The following PARM1 variants were observed in gnomAD, a reference collection of about 807,000 sequenced individuals.
PARM1 encodes prostate androgen-regulated mucin-like protein 1, also known as WSC4, cell wall integrity and stress response component 4 homolog.
In PARM1, 14 loss-of-function variants were observed where a neutral mutation model predicts 24.6. The ratio of observed to expected loss-of-function variants is 0.57; its 90% CI spans 0.38 to 0.89. The LOEUF (loss-of-function observed/expected upper bound fraction) is 0.89, where lower values mean the gene tolerates loss of function less well. Among genes scored for constraint, PARM1 ranks in the 40% least tolerant of loss-of-function variants. The pLI is 0.00. For synonymous variants in PARM1, 179 were observed against 156.6 expected (o/e 1.14, Z -1.07); for missense variants, 362 against 380.4 (o/e 0.95, Z 0.40).
chr4:74,978,809 T>G (rs111477951), intron 1 of PARM1, among the ~76,000 whole-genome samples: 8,082 of 152,156 alleles, frequency 0.053, 230 homozygotes, highest in Middle Eastern at 0.092. Flanking sequence ...AGAAACTTAC[T>G]CAAAACCACA....
chr4:74,939,463 A>G (rs539854449), intron 1 of PARM1, among the ~76,000 whole-genome samples: 82 of 152,278 alleles, frequency 5.4e-4, no homozygotes, highest in Non-Finnish European at 1.0e-3. Context: ...GTATATTTTT[A>G]ATGGTAGCAA....
chr4:74,933,437 G>A (rs1721109914), intron 1 of PARM1, 67 bp downstream of exon 1: 5 of 1,417,466 alleles, frequency 3.5e-6, no homozygotes, highest in Non-Finnish European at 4.0e-6. Context: ...CGCGTGGTCG[G>A]GGCTGAAGCT....
Position 75,047,104 on chromosome 4 carries a change from A to C in PARM1, c.*857A>C, listed in dbSNP as rs912791766. ...GAAGTGGAAGAGAAGCTGGCGGGGG[A>C]GAAGGAGGCTAACCTGCACTGAGTA... On this transcript the variant is annotated 3_prime_UTR_variant, in exon 4 of 4. Coordinates refer to ENST00000307428, the MANE Select transcript of PARM1 (RefSeq NM_015393.4). The C allele has an allele frequency of 6.5e-6, 1 of 152,814 alleles. No homozygotes were observed. The highest frequency in any genetic ancestry group is 1.9e-4 in the East Asian group (1 of 5,196). 9.5% of individuals were successfully genotyped at this position (152,814 alleles called of 1,614,324 possible). A position where few individuals can be genotyped will look rare whatever the true frequency, so the allele number is the denominator to read the frequency against.
intron 3 of PARM1, among the ~76,000 whole-genome samples, chr4:75,040,284 T>A (rs1723456280): frequency 6.6e-6 from 1 of 152,220 alleles, no homozygotes; most frequent in Non-Finnish European, 1.5e-5. Flanking sequence ...GATGTGCCAA[T>A]GTGTAGACCT....
Position 74,944,375 on chromosome 4 carries a change from A to G in PARM1, c.43+11005A>G, listed in dbSNP as rs544251854. Reference sequence around the variant, plus strand: ...TTGCCTTGCTTGTTCCATGATGTCCATTTGTCCATTCTTGAGAAGGGCAGG... The same window carrying G: ...TTGCCTTGCTTGTTCCATGATGTCCGTTTGTCCATTCTTGAGAAGGGCAGG... On this transcript the variant is annotated intron_variant, in intron 1 of 3. Coordinates refer to ENST00000307428, the MANE Select transcript of PARM1 (RefSeq NM_015393.4). Among the ~76,000 whole-genome samples the G allele has an allele frequency of 3.3e-5, 5 of 152,274 alleles. No homozygotes were observed. The South Asian group carries it at 6.2e-4, about 19-fold the overall frequency.
chr4:75,020,833 T>A (rs1723076268), intron 2 of PARM1, among the ~76,000 whole-genome samples: 2 of 152,186 alleles, frequency 1.3e-5, no homozygotes, highest in Admixed American at 6.5e-5. Flanking sequence ...TTCACCTGGT[T>A]AATTCCAGCT....
chr4:74,939,599 C>T (rs1329902940), intron 1 of PARM1, among the ~76,000 whole-genome samples: 1 of 152,030 alleles, frequency 6.6e-6, no homozygotes, highest in Non-Finnish European at 1.5e-5. Context: ...TGAGAAATCT[C>T]ACAAATATTA....
chr4:75,041,302 A>G (rs1357797959), intron 3 of PARM1, among the ~76,000 whole-genome samples: 1 of 152,226 alleles, frequency 6.6e-6, no homozygotes, highest in African/African-American at 2.4e-5. Context: ...TTAATGGACA[A>G]CAAGAGTCTA....
intron 1 of PARM1, among the ~76,000 whole-genome samples, chr4:75,000,978 A>G (rs1240945059): frequency 6.6e-6 from 1 of 152,200 alleles, no homozygotes; most frequent in South Asian, 2.1e-4. Flanking sequence ...AAGGTATACT[A>G]CTACTTAGTC....
chr4:74,991,298 T>G (rs1328047735), intron 1 of PARM1, among the ~76,000 whole-genome samples: 3 of 152,296 alleles, frequency 2.0e-5, no homozygotes, highest in Non-Finnish European at 4.4e-5. Flanking sequence ...ATCAATGGTT[T>G]TCCAATATTG....
At chr4:75,006,490 G>A (rs1379206829) in intron 1 of PARM1, among the ~76,000 whole-genome samples, 1 of 152,054 alleles carries the variant, frequency 6.6e-6, no homozygotes, top group Non-Finnish European at 1.5e-5. Flanking sequence ...TTTTATGGCT[G>A]CATAGTATTC....
chr4:74,996,403 C>G (rs1000182357), intron 1 of PARM1, among the ~76,000 whole-genome samples: 1 of 152,102 alleles, frequency 6.6e-6, no homozygotes, highest in Non-Finnish European at 1.5e-5. Context: ...AAAAGAAAAG[C>G]GAGGAACAAA....
chr4:74,961,297 A>G (rs1721769318), intron 1 of PARM1, among the ~76,000 whole-genome samples: 1 of 152,166 alleles, frequency 6.6e-6, no homozygotes, highest in African/African-American at 2.4e-5. Context: ...AGCAGAGTGT[A>G]AAGAATCTGT....
chr4:75,006,641 C>A (rs1293807061), intron 1 of PARM1, among the ~76,000 whole-genome samples: 2 of 152,138 alleles, frequency 1.3e-5, no homozygotes, highest in African/African-American at 2.4e-5. Context: ...GATTTATAAT[C>A]CTTTGGGTAC....
At chr4:75,023,602 A>T (rs1294013402) in intron 2 of PARM1, among the ~76,000 whole-genome samples, 1 of 152,222 alleles carries the variant, frequency 6.6e-6, no homozygotes, top group Non-Finnish European at 1.5e-5. Context: ...TCACTTAAGT[A>T]CCTGCCTACA....
chr4:74,961,597 A>G (rs1401975738), intron 1 of PARM1, among the ~76,000 whole-genome samples: 1 of 152,242 alleles, frequency 6.6e-6, no homozygotes, highest in Non-Finnish European at 1.5e-5. Context: ...GGGATTCTCA[A>G]TAAGATTATC....
intron 1 of PARM1, among the ~76,000 whole-genome samples, chr4:75,012,183 T>G (rs1722882781): frequency 6.6e-6 from 1 of 152,208 alleles, no homozygotes; most frequent in Non-Finnish European, 1.5e-5. Context: ...TGGCTAGTCT[T>G]GAGTTGACAG....
intron 1 of PARM1, among the ~76,000 whole-genome samples, chr4:74,933,842 G>A (rs1379943776): frequency 6.6e-6 from 1 of 152,162 alleles, no homozygotes; most frequent in African/African-American, 2.4e-5. Flanking sequence ...TGGCGGGGCT[G>A]GTTTGCTTTC....
intron 1 of PARM1, among the ~76,000 whole-genome samples, chr4:74,949,432 C>A (rs1198879374): frequency 1.3e-5 from 2 of 152,240 alleles, no homozygotes; most frequent in African/African-American, 4.8e-5. Flanking sequence ...CATCCTCCTG[C>A]CTCCCAAGTA....
Sources: allele counts gnomAD v4.1 joint callset (sites outside exome capture counted in the v4.1 genomes callset), GRCh38; gene constraint gnomAD v4.1.1; transcripts MANE v1.5; gene names NCBI Gene and HGNC (gene_info 2026-07-23, HGNC 2026-07-21).